The following MACROD2 variants were observed in gnomAD, a reference collection of about 807,000 sequenced individuals.
MACROD2 encodes the protein ADP-ribose glycohydrolase MACROD2.
In MACROD2, 36 loss-of-function variants were observed where a neutral mutation model predicts 70.4. The observed-to-expected ratio is 0.51, with a 90% CI of 0.39 to 0.68. MACROD2 has a LOEUF of 0.68. Among genes scored for constraint, MACROD2 ranks in the 30% least tolerant of loss-of-function variants. The pLI is 0.00. For missense variants in MACROD2, 496 were observed against 538.4 expected, an observed-to-expected ratio of 0.92 and a Z score of 0.78; for synonymous variants, 172 against 178.8, an observed-to-expected ratio of 0.96 and a Z score of 0.30.
chr20:15,392,174 A>G (rs1023510549), intron 6 of MACROD2, among the ~76,000 whole-genome samples: 14 of 152,208 alleles, frequency 9.2e-5, no homozygotes, highest in African/African-American at 3.4e-4. Flanking sequence ...TACCATTGCA[A>G]GAAGATTCTG....
At chr20:15,648,524 T>C (rs549768368) in intron 8 of MACROD2, among the ~76,000 whole-genome samples, 1 of 152,330 alleles carries the variant, frequency 6.6e-6, no homozygotes, top group East Asian at 1.9e-4. Context: ...TCAACCTTAG[T>C]GAGCTCCATG....
chr20:15,237,593 T>C (rs1212301595), intron 6 of MACROD2, among the ~76,000 whole-genome samples: 1 of 152,076 alleles, frequency 6.6e-6, no homozygotes, highest in Non-Finnish European at 1.5e-5. Flanking sequence ...GTGCACGTGC[T>C]TTCTATAGGA....
chr20:15,933,582 G>A (rs1601162035), intron 11 of MACROD2, among the ~76,000 whole-genome samples: 1 of 152,280 alleles, frequency 6.6e-6, no homozygotes, highest in East Asian at 1.9e-4. Flanking sequence ...CAGTTTGCCT[G>A]GCAAAGCTCT....
chr20:15,978,562 A>G (rs2066344968), intron 13 of MACROD2, among the ~76,000 whole-genome samples: 1 of 150,156 alleles, frequency 6.7e-6, no homozygotes, highest in Non-Finnish European at 1.5e-5. Flanking sequence ...AGGCTAATAA[A>G]CTTACTCGCC....
chr20:14,093,332 C>T (rs2148673932), intron 3 of MACROD2, among the ~76,000 whole-genome samples: 2 of 152,194 alleles, frequency 1.3e-5, no homozygotes, highest in Admixed American at 1.3e-4. Flanking sequence ...AGCGATCCTA[C>T]TACCTAGACC....
At chr20:14,772,065 C>T (rs779676064) in intron 5 of MACROD2, among the ~76,000 whole-genome samples, 27 of 151,902 alleles carry the variant, frequency 1.8e-4, no homozygotes, top group Admixed American at 1.4e-3. Context: ...TTTTAAAAAG[C>T]GTCCGCCATC....
chr20:16,041,243 G>A lies in MACROD2; in HGVS notation c.1196G>A (p.Gly399Asp). Residue 399 changes from glycine to aspartate, a missense_variant, in exon 16 of 18, where the codon GGC becomes GAC. By Grantham distance (94) the Gly-to-Asp change is moderately conservative (BLOSUM62 -1). Coordinates refer to ENST00000684519, the MANE Select transcript of MACROD2 (RefSeq NM_001351661.2). ...DTPRMPGKSEGSSDLENTPGP... is the reference protein window; with the variant it reads ...DTPRMPGKSEDSSDLENTPGP... ...CCTAGGATGCCTGGGAAAAGTGAAG[G>A]CTCCAGTGACCTAGAAAATACTCCA... 1 of 1,612,138 alleles carries A rather than the reference G, an allele frequency of 6.2e-7. No individual in the cohort carries two copies. Among genetic ancestry groups the A allele is most frequent in the African/African-American group, 1.3e-5 (1 of 74,840 alleles).
chr20:15,862,705 T>C (rs372920418), intron 8 of MACROD2, 40 bp from the exon 9 acceptor site: 33 of 1,534,818 alleles, frequency 2.2e-5, no homozygotes, highest in Non-Finnish European at 2.8e-5. Flanking sequence ...GCAATTGCCA[T>C]ATTTTTTTTC....
At chr20:14,507,150 T>G (rs1230624719) in intron 4 of MACROD2, among the ~76,000 whole-genome samples, 2 of 151,924 alleles carry the variant, frequency 1.3e-5, no homozygotes. Flanking sequence ...ATTTAATGGG[T>G]ACAGGGTTTC....
intron 15 of MACROD2, among the ~76,000 whole-genome samples, chr20:16,034,907 G>T (rs904235632): frequency 6.6e-6 from 1 of 151,086 alleles, no homozygotes; most frequent in East Asian, 2.0e-4. Context: ...GAGAACATAC[G>T]ATCTTTGGTT....
intron 6 of MACROD2, among the ~76,000 whole-genome samples, chr20:15,284,163 C>T (rs1182308157): frequency 6.6e-6 from 1 of 151,734 alleles, no homozygotes; most frequent in Non-Finnish European, 1.5e-5. Flanking sequence ...TATCTTGTGC[C>T]TTTTTTAATC....
At chr20:14,405,180 A>C (rs953735089) in intron 3 of MACROD2, among the ~76,000 whole-genome samples, 2 of 152,190 alleles carry the variant, frequency 1.3e-5, no homozygotes, top group Admixed American at 1.3e-4. Flanking sequence ...TTTATGTACT[A>C]AGCTAAAAAT....
At chr20:15,568,659 G>A (rs892482805) in intron 8 of MACROD2, among the ~76,000 whole-genome samples, 3 of 152,152 alleles carry the variant, frequency 2.0e-5, no homozygotes, top group African/African-American at 7.2e-5. Flanking sequence ...CAAATGAACT[G>A]CAAGAGAGGC....
At chr20:15,177,184 G>A (rs988931018) in intron 5 of MACROD2, among the ~76,000 whole-genome samples, 39 of 152,212 alleles carry the variant, frequency 2.6e-4, no homozygotes, top group Admixed American at 1.9e-3. Context: ...CTGCTGGGCC[G>A]AGTGGGTGGA....
Position 14,230,045 on chromosome 20 carries a change from A to G in MACROD2, c.271+144317A>G, listed in dbSNP as rs554418697. Among the ~76,000 whole-genome samples the G allele has an allele frequency of 3.9e-5, 6 of 152,314 alleles. No homozygotes were observed. The South Asian group carries it at 1.2e-3, about 32-fold the overall frequency. On this transcript the variant is annotated intron_variant, in intron 3 of 17. Coordinates refer to ENST00000684519, the MANE Select transcript of MACROD2 (RefSeq NM_001351661.2). ...CATGTACATACCTTAATTTAAAAATACTTAATTGCTAAATATTGCTAATGA... is the reference window on the plus strand; with the variant it reads ...CATGTACATACCTTAATTTAAAAATGCTTAATTGCTAAATATTGCTAATGA...
chr20:15,385,997 G>C (rs2045707731), intron 6 of MACROD2, among the ~76,000 whole-genome samples: 1 of 152,152 alleles, frequency 6.6e-6, no homozygotes, highest in Non-Finnish European at 1.5e-5. Flanking sequence ...ACTGATACTT[G>C]AGGGTCTGAA....
chr20:14,255,683 TAATAAATA>T (rs199558871), intron 3 of MACROD2, among the ~76,000 whole-genome samples: 1,781 of 136,928 alleles, frequency 0.013, 14 homozygotes, highest in Middle Eastern at 0.022. Context: ...CTTAAAAGTA[TAATAAATA>T]AATAAATAAA....
chr20:14,352,411 G>A (rs2083131941), intron 3 of MACROD2: 1 of 152,022 alleles, frequency 6.6e-6, no homozygotes, highest in African/African-American at 2.4e-5. Context: ...AATTTGTGAA[G>A]CATTCCATAT....
At chr20:14,985,235 A>G (rs1277305140) in intron 5 of MACROD2, among the ~76,000 whole-genome samples, 2 of 152,202 alleles carry the variant, frequency 1.3e-5, no homozygotes, top group Admixed American at 1.3e-4. Flanking sequence ...CTCCTGACTT[A>G]GTTCATTCAG....
Sources: gnomAD v4.1 joint callset for allele counts (sites outside exome capture counted in the v4.1 genomes callset) on GRCh38, gnomAD v4.1.1 for gene constraint, MANE v1.5 for transcripts, NCBI Gene and HGNC (gene_info 2026-07-23, HGNC 2026-07-21) for gene names.